The following FAF1 variants were observed in gnomAD, a reference collection of about 807,000 sequenced individuals.
FAF1 encodes Fas associated factor 1, also known as FAS-associated factor 1.
FAF1 carries 25 observed loss-of-function variants against 92.5 expected under a neutral mutation model. The ratio of observed to expected loss-of-function variants is 0.27; its 90% CI spans 0.20 to 0.38. The LOEUF (loss-of-function observed/expected upper bound fraction) is 0.38, where lower values mean the gene tolerates loss of function less well. Among genes scored for constraint, FAF1 ranks in the 10% least tolerant of loss-of-function variants. The pLI is 1.00. For missense variants in FAF1, 636 were observed against 793.3 expected, an observed-to-expected ratio of 0.80 and a Z score of 2.38; for synonymous variants, 234 against 273.2, an observed-to-expected ratio of 0.86 and a Z score of 1.42.
At chr1:50,919,365 T>G (rs938718584) in intron 1 of FAF1, among the ~76,000 whole-genome samples, 1 of 152,148 alleles carries the variant, frequency 6.6e-6, no homozygotes, top group African/African-American at 2.4e-5. Context: ...TTTTTATTAT[T>G]TCTTATATTC....
chr1:50,913,026 A>G (rs1288941049), intron 1 of FAF1, among the ~76,000 whole-genome samples: 3 of 152,178 alleles, frequency 2.0e-5, no homozygotes, highest in Admixed American at 6.5e-5. Context: ...AGCCTTAAAC[A>G]TTTTGGTGCT....
intron 1 of FAF1, among the ~76,000 whole-genome samples, chr1:50,958,595 G>A (rs1316117943): frequency 6.6e-6 from 1 of 151,658 alleles, no homozygotes; most frequent in South Asian, 2.1e-4. Flanking sequence ...GGAGAATGGC[G>A]TGAACCTGGG....
intron 15 of FAF1, among the ~76,000 whole-genome samples, chr1:50,508,472 T>A (rs781399372): frequency 5.3e-5 from 8 of 152,138 alleles, no homozygotes; most frequent in Admixed American, 2.0e-4. Flanking sequence ...GTGCAAGAAG[T>A]CAGACAAAAA....
chr1:50,923,879 A>G (rs934975364), intron 1 of FAF1, among the ~76,000 whole-genome samples: 2 of 152,216 alleles, frequency 1.3e-5, no homozygotes, highest in Non-Finnish European at 2.9e-5. Flanking sequence ...TTCAACATCC[A>G]TTTCTGATAA....
intron 18 of FAF1, chr1:50,452,246 T>C: frequency 1.0e-6 from 1 of 978,898 alleles, no homozygotes. Flanking sequence ...TACAGAACAA[T>C]TTGCAAGCTC....
At chr1:50,761,791 C>A (rs1482024920) in intron 4 of FAF1, among the ~76,000 whole-genome samples, 1 of 152,060 alleles carries the variant, frequency 6.6e-6, no homozygotes. Flanking sequence ...GACAGGGATG[C>A]CCTCTCTCAC....
intron 1 of FAF1, among the ~76,000 whole-genome samples, chr1:50,888,078 T>C (rs1221150905): frequency 2.0e-5 from 3 of 152,236 alleles, no homozygotes; most frequent in Non-Finnish European, 4.4e-5. Flanking sequence ...TAGTTCTCCT[T>C]GAAGAGGTCC....
chr1:50,491,331 T>C (rs1646836887), intron 16 of FAF1, among the ~76,000 whole-genome samples: 1 of 152,226 alleles, frequency 6.6e-6, no homozygotes, highest in Non-Finnish European at 1.5e-5. Flanking sequence ...GCAGAAACTG[T>C]GGCCTATTCA....
At chr1:50,581,718 G>A (rs1403506503) in intron 12 of FAF1, among the ~76,000 whole-genome samples, 2 of 152,114 alleles carry the variant, frequency 1.3e-5, no homozygotes, top group African/African-American at 4.8e-5. Flanking sequence ...AAGTTTCAGA[G>A]GAGGAGGAGG....
At chr1:50,923,165 T>C (rs188499176) in intron 1 of FAF1, among the ~76,000 whole-genome samples, 2 of 152,260 alleles carry the variant, frequency 1.3e-5, no homozygotes, top group African/African-American at 4.8e-5. Context: ...ACACCTATAA[T>C]CTCAATGCTT....
At chr1:50,959,694 G>T (rs1187144966) in intron 1 of FAF1, 73 bp downstream of exon 1, 6 of 1,354,492 alleles carry the variant, frequency 4.4e-6, no homozygotes, top group East Asian at 5.2e-5. Context: ...CAAACGCTGG[G>T]AAGAAGACTC....
chr1:50,594,762 T>C (rs367566293), intron 9 of FAF1, among the ~76,000 whole-genome samples: 1 of 150,528 alleles, frequency 6.6e-6, no homozygotes. Context: ...TCCCAGCTAC[T>C]TGGGAGGCTG....
At chr1:50,661,799 C>T (rs1655389959) in intron 7 of FAF1, among the ~76,000 whole-genome samples, 1 of 152,200 alleles carries the variant, frequency 6.6e-6, no homozygotes, top group Admixed American at 6.5e-5. Flanking sequence ...GCAGTCACTT[C>T]TGAATCAGAA....
At chr1:50,555,620 T>C (rs545906816) in intron 13 of FAF1, among the ~76,000 whole-genome samples, 1 of 152,188 alleles carries the variant, frequency 6.6e-6, no homozygotes, top group East Asian at 1.9e-4. Flanking sequence ...CTAATAGATG[T>C]TGACACAGAT....
At chr1:50,928,737 C>G (rs887480998) in intron 1 of FAF1, among the ~76,000 whole-genome samples, 1 of 142,882 alleles carries the variant, frequency 7.0e-6, no homozygotes, top group Non-Finnish European at 1.5e-5. Context: ...GAACCGAAAT[C>G]ACGCCATTGG....
intron 4 of FAF1, among the ~76,000 whole-genome samples, chr1:50,746,288 ATATAT>A (rs1659612923): frequency 5.8e-5 from 1 of 17,258 alleles, no homozygotes; most frequent in African/African-American, 3.0e-4. Flanking sequence ...ATATATATAT[ATATAT>A]TTTTTTTTTT....
intron 8 of FAF1, among the ~76,000 whole-genome samples, chr1:50,616,945 T>G (rs1652940124): frequency 1.3e-5 from 2 of 152,202 alleles, no homozygotes; most frequent in Admixed American, 1.3e-4. Context: ...CCTCCCAAAG[T>G]GCTAGGATTA....
rs1387303001 is a variant in FAF1, at chr1:50,439,227, G to A, written c.*2213C>T. ...AGGACACTGCTATTTCTGTGGTGAT[G>A]GGAAGTCATTTTAATGCTCTGCTTG... On this transcript the variant is annotated 3_prime_UTR_variant, in exon 19 of 19. Transcript: ENST00000396153. 2.0e-5 allele frequency: 3 copies of A among 152,336 alleles called. No homozygotes were observed. Among genetic ancestry groups the A allele is most frequent in the African/African-American group, 7.2e-5 (3 of 41,582 alleles). The allele number at this position is 152,336 out of a possible 1,614,324, so 9.4% of individuals were successfully genotyped here.
intron 7 of FAF1, among the ~76,000 whole-genome samples, chr1:50,679,012 G>A (rs200405044): frequency 4.6e-5 from 7 of 152,028 alleles, no homozygotes; most frequent in Non-Finnish European, 8.8e-5. Flanking sequence ...GCATGAACCC[G>A]GGAGGCGGAG....
Sources: gnomAD v4.1 joint callset for allele counts (sites outside exome capture counted in the v4.1 genomes callset) on GRCh38, gnomAD v4.1.1 for gene constraint, MANE v1.5 for transcripts, NCBI Gene and HGNC (gene_info 2026-07-23, HGNC 2026-07-21) for gene names.